SMARCC1: variants seen among roughly 807,000 people sequenced by gnomAD.
The protein encoded by SMARCC1 is SWI/SNF complex subunit SMARCC1.
In SMARCC1, 43 loss-of-function variants were observed where a neutral mutation model predicts 147.4. That is an observed-to-expected ratio of 0.29 (90% CI 0.23 to 0.38). The LOEUF (loss-of-function observed/expected upper bound fraction) is 0.38. Ranked by LOEUF, SMARCC1 falls within the 10% of genes least tolerant of loss-of-function variation. SMARCC1 has a pLI of 1.00. For missense variants in SMARCC1, 1,119 were observed against 1,381.1 expected (o/e 0.81, Z 3.01); for synonymous variants, 495 against 484.4 (o/e 1.02, Z -0.29).
chr3:47,607,757 A>G (rs906197896), intron 26 of SMARCC1, among the ~76,000 whole-genome samples: 2 of 152,170 alleles, frequency 1.3e-5, no homozygotes, highest in Admixed American at 1.3e-4. Flanking sequence ...TTTAGCATCA[A>G]AAAAAGCCAG....
At chr3:47,641,688 C>T (rs778123349) in intron 21 of SMARCC1, among the ~76,000 whole-genome samples, 24 of 151,928 alleles carry the variant, frequency 1.6e-4, no homozygotes, top group Admixed American at 5.2e-4. Context: ...GATAAAGACA[C>T]GTGAAAAAAT....
chr3:47,610,123 G>T lies in SMARCC1; in HGVS notation c.2986C>A (p.Pro996Thr), dbSNP rs760716894. ...GHPGMMPHQQ[P>T]PPYPLMHHQM... Reference sequence around the variant, plus strand: ...TGGTGCATCAGAGGGTAGGGAGGGGGCTGTTGATGAGGCATCATGCCAGGG... The same window carrying T: ...TGGTGCATCAGAGGGTAGGGAGGGGTCTGTTGATGAGGCATCATGCCAGGG... Residue 996 changes from proline to threonine, a missense_variant, in exon 26 of 28, where the codon CCC (proline) becomes ACC (threonine). This residue lies in a region of SMARCC1 where 186 missense variants were observed against 216.5 expected (regional missense o/e 0.86). Coordinates refer to ENST00000254480, the MANE Select transcript of SMARCC1 (RefSeq NM_003074.4). 3.1e-6 allele frequency: 5 copies of T among 1,613,484 alleles called. No individual in the cohort carries two copies. In the South Asian group the frequency reaches 5.5e-5, roughly 18 times the overall value.
chr3:47,595,837 T>C (rs1185171571), intron 26 of SMARCC1, among the ~76,000 whole-genome samples: 6 of 150,860 alleles, frequency 4.0e-5, no homozygotes, highest in Non-Finnish European at 8.9e-5. Context: ...CTGGTTCAGG[T>C]GAGTCTCCTG....
At chr3:47,591,763 T>C (rs6789313) in intron 26 of SMARCC1, among the ~76,000 whole-genome samples, 6,755 of 152,220 alleles carry the variant, frequency 0.044, 506 homozygotes, top group African/African-American at 0.15. Flanking sequence ...CAGGCTGGTC[T>C]TGAACTCCTG....
intron 25 of SMARCC1, among the ~76,000 whole-genome samples, chr3:47,620,667 G>A (rs1214415160): frequency 1.3e-5 from 2 of 152,042 alleles, no homozygotes; most frequent in Non-Finnish European, 2.9e-5. Context: ...AAAAGTTTCT[G>A]CTCCAGGGAA....
At chr3:47,751,595 T>C (rs1042391378) in intron 2 of SMARCC1, among the ~76,000 whole-genome samples, 1 of 151,596 alleles carries the variant, frequency 6.6e-6, no homozygotes, top group Non-Finnish European at 1.5e-5. Context: ...TGGTAAAATA[T>C]ACATAAAAGT....
intron 21 of SMARCC1, among the ~76,000 whole-genome samples, chr3:47,659,760 A>AG (rs71619691): frequency 0.13 from 6,221 of 47,724 alleles, 1,029 homozygotes; most frequent in African/African-American, 0.26. Context: ...GAAAAAAAAA[A>AG]GGGGGGGGGG....
At chr3:47,771,336 G>C (rs931774501) in intron 2 of SMARCC1, among the ~76,000 whole-genome samples, 1 of 152,138 alleles carries the variant, frequency 6.6e-6, no homozygotes, top group Non-Finnish European at 1.5e-5. Context: ...CAGCACGCTA[G>C]AAACAACGAA....
chr3:47,636,355 A>G (rs984203176), intron 22 of SMARCC1, among the ~76,000 whole-genome samples: 16 of 152,262 alleles, frequency 1.1e-4, no homozygotes, highest in Admixed American at 1.0e-3. Context: ...ATGTTCCTCC[A>G]AAGCACAGAG....
intron 6 of SMARCC1, among the ~76,000 whole-genome samples, chr3:47,728,041 G>A (rs919401216): frequency 2.2e-5 from 3 of 137,744 alleles, no homozygotes; most frequent in Non-Finnish European, 4.6e-5. Flanking sequence ...ATACAGGCAC[G>A]TATCACCACA....
At chr3:47,760,292 A>G in intron 2 of SMARCC1, among the ~76,000 whole-genome samples, 1 of 152,170 alleles carries the variant, frequency 6.6e-6, no homozygotes, top group Admixed American at 6.5e-5. Context: ...AGCCTGGGCA[A>G]CAGAGAAAGG....
chr3:47,656,723 A>G (rs2106728983), intron 21 of SMARCC1, among the ~76,000 whole-genome samples: 1 of 152,180 alleles, frequency 6.6e-6, no homozygotes, highest in South Asian at 2.1e-4. Context: ...GAGACCAGCC[A>G]GGAAATATGG....
chr3:47,638,798 A>ATGT lies in SMARCC1; in HGVS notation c.2321-19_2321-18insACA. On this transcript the variant is annotated intron_variant, in intron 21 of 27. Coordinates refer to ENST00000254480, the MANE Select transcript of SMARCC1 (RefSeq NM_003074.4). ...AGCTCCTTCTACAAGTAAAAGAATA[A>ATGT]GAACAAGTACTCCAATGTGGAAAAA... 6.3e-7 allele frequency: 1 copy of ATGT among 1,587,604 alleles called. No homozygotes were observed. The highest frequency in any genetic ancestry group is 8.7e-7 in the Non-Finnish European group (1 of 1,155,710).
At chr3:47,709,991 T>C (rs976352638) in intron 9 of SMARCC1, among the ~76,000 whole-genome samples, 1 of 152,194 alleles carries the variant, frequency 6.6e-6, no homozygotes, top group Non-Finnish European at 1.5e-5. Context: ...TACTTTACAC[T>C]AACTACCATC....
At chr3:47,643,091 T>C (rs1183083338) in intron 21 of SMARCC1, among the ~76,000 whole-genome samples, 1 of 152,208 alleles carries the variant, frequency 6.6e-6, no homozygotes, top group Non-Finnish European at 1.5e-5. Context: ...AAAATGTTGT[T>C]ACTCGTAGAA....
In SMARCC1 at chr3:47,707,280, C is replaced by T. The variant is rs1053223412; in HGVS notation, c.919-750G>A. ...TGAATCATGATCATGTCACTGCACTCCACCCTAGGTGACAGAGTAAGACTC... is the reference window on the plus strand; with the variant it reads ...TGAATCATGATCATGTCACTGCACTTCACCCTAGGTGACAGAGTAAGACTC... On this transcript the variant is annotated intron_variant, in intron 9 of 27. Transcript: ENST00000254480. 7.3e-5 allele frequency among the ~76,000 whole-genome samples: 11 copies of T among 151,514 alleles called. No individual in the cohort carries two copies. In the East Asian group the frequency reaches 1.7e-3, roughly 24 times the overall value.
chr3:47,707,809 G>T (rs947194525), intron 9 of SMARCC1, among the ~76,000 whole-genome samples: 2 of 152,140 alleles, frequency 1.3e-5, no homozygotes, highest in African/African-American at 4.8e-5. Context: ...TGCTCCGAAG[G>T]TCAAGGTGAC....
chr3:47,696,522 A>AT (rs770001733), intron 11 of SMARCC1, among the ~76,000 whole-genome samples: 404 of 145,410 alleles, frequency 2.8e-3, no homozygotes, highest in Admixed American at 3.7e-3. Flanking sequence ...AGTGTGAATA[A>AT]TTTTTTTTTT....
At chr3:47,723,919 A>G (rs2106814298) in intron 6 of SMARCC1, among the ~76,000 whole-genome samples, 1 of 152,350 alleles carries the variant, frequency 6.6e-6, no homozygotes, top group East Asian at 1.9e-4. Flanking sequence ...AAAGATACTC[A>G]ATGTCACTAA....
Sources: gnomAD v4.1 joint callset for allele counts (sites outside exome capture counted in the v4.1 genomes callset) on GRCh38, gnomAD v4.1.1 for gene constraint, gnomAD v4.1.1 regional missense constraint, MANE v1.5 for transcripts, NCBI Gene and HGNC (gene_info 2026-07-23, HGNC 2026-07-21) for gene names.